CRYL1: variants seen among roughly 807,000 people sequenced by gnomAD.
The protein encoded by CRYL1 is crystallin lambda 1.
Under a neutral mutation model 36.6 loss-of-function variants are expected in CRYL1, and 29 were observed. The observed-to-expected ratio is 0.79, with a 90% confidence interval of 0.59 to 1.08. The LOEUF is 1.08. CRYL1 is among the 50% of genes least tolerant of loss of function. CRYL1 has a pLI of 0.00. For synonymous variants in CRYL1, 152 were observed against 151.5 expected, an observed-to-expected ratio of 1.00 and a Z score of -0.02; for missense variants, 411 against 407.9, an observed-to-expected ratio of 1.01 and a Z score of -0.06.
At chr13:20,422,584 T>C (rs2031843640) in intron 5 of CRYL1, among the ~76,000 whole-genome samples, 1 of 152,180 alleles carries the variant, frequency 6.6e-6, no homozygotes, top group South Asian at 2.1e-4. Context: ...TGAGCTGGAC[T>C]TGGCTCTGCA....
At chr13:20,430,422 G>A (rs1326979182) in intron 5 of CRYL1, 1 of 985,342 alleles carries the variant, frequency 1.0e-6, no homozygotes, top group Non-Finnish European at 1.2e-6. Flanking sequence ...CAGAAAGCCA[G>A]GAGTAAGAAT....
intron 2 of CRYL1, among the ~76,000 whole-genome samples, chr13:20,501,417 T>C (rs1330002136): frequency 6.6e-6 from 1 of 152,214 alleles, no homozygotes; most frequent in African/African-American, 2.4e-5. Context: ...CTGCCTGCTT[T>C]CTATCTACAG....
chr13:20,451,555 C>T (rs2137418137), intron 3 of CRYL1, among the ~76,000 whole-genome samples: 1 of 152,256 alleles, frequency 6.6e-6, no homozygotes, highest in Non-Finnish European at 1.5e-5. Context: ...CACTAATGAT[C>T]AGAGAAATGC....
At chr13:20,440,154 A>T (rs1240162156) in intron 3 of CRYL1, among the ~76,000 whole-genome samples, 1 of 152,226 alleles carries the variant, frequency 6.6e-6, no homozygotes, top group African/African-American at 2.4e-5. Flanking sequence ...TTGTCCTGTC[A>T]TACCTCTGAA....
Position 20,425,643 on chromosome 13 carries a change from C to T in CRYL1, c.633+6459G>A, listed in dbSNP as rs1469977740. Among the ~76,000 whole-genome samples, 1 of 152,152 alleles carries T rather than the reference C, an allele frequency of 6.6e-6. No homozygotes were observed. The highest frequency in any genetic ancestry group is 1.9e-4 in the East Asian group (1 of 5,198). On this transcript the variant is annotated intron_variant, in intron 5 of 7. Transcript: ENST00000298248. The surrounding 1 kb of genome is among the most constrained non-coding windows in gnomAD (Gnocchi z 4.4). ...AAAGGACCATTCACCTCCAAGTGAA[C>T]ATAGCACATGTGAGAGAAATGTAAG... is the stretch of plus-strand genomic sequence containing the variant.
At chr13:20,506,803 G>A (rs2033802007) in intron 2 of CRYL1, among the ~76,000 whole-genome samples, 1 of 152,182 alleles carries the variant, frequency 6.6e-6, no homozygotes, top group Non-Finnish European at 1.5e-5. Flanking sequence ...ACAGCCCACA[G>A]GCCAAATCTG....
intron 3 of CRYL1, among the ~76,000 whole-genome samples, chr13:20,450,773 G>A (rs2032553439): frequency 6.6e-6 from 1 of 152,154 alleles, no homozygotes; most frequent in Admixed American, 6.6e-5. Flanking sequence ...CATGTTCATT[G>A]TGGCACTATT....
rs915454506 is a variant in CRYL1 at position 20,432,189 on chromosome 13, G to C, written c.546C>G (p.Cys182Trp). Residue 182 changes from cysteine (C) to tryptophan (W), a missense_variant, in exon 5 of 8, where the codon TGC becomes TGG. Coordinates refer to ENST00000298248, the MANE Select transcript of CRYL1 (RefSeq NM_015974.3). The part of the protein sequence containing the change: ...THALMKKIGQ[C>W]PMRVQKEVAG... ...CCACCTCCTTCTGGACTCGCATGGG[G>C]CACTGTCCAATCTTCTTCATCAGGG... 6.2e-7 allele frequency: 1 copy of C among 1,613,936 alleles called. No homozygotes were observed. Among genetic ancestry groups the C allele is most frequent in the African/African-American group, 1.3e-5 (1 of 74,876 alleles).
At chr13:20,448,356 C>CAG (rs35573597) in intron 3 of CRYL1, among the ~76,000 whole-genome samples, 6,968 of 152,026 alleles carry the variant, frequency 0.046, 334 homozygotes, top group Admixed American at 0.16. Context: ...GTAAAAGAAA[C>CAG]GGAATAGGAC....
intron 3 of CRYL1, among the ~76,000 whole-genome samples, chr13:20,474,550 T>C (rs2033125934): frequency 6.6e-6 from 1 of 151,152 alleles, no homozygotes; most frequent in South Asian, 2.1e-4. Context: ...ATGTAAGTGA[T>C]TGTAATTAGT....
chr13:20,473,520 T>G (rs574910351), intron 3 of CRYL1, among the ~76,000 whole-genome samples: 74 of 151,854 alleles, frequency 4.9e-4, no homozygotes, highest in Non-Finnish European at 1.0e-3. Flanking sequence ...CTGGCCAGAG[T>G]GGGTGGGCGG....
At chr13:20,511,393 AG>A (rs2033915890) in intron 2 of CRYL1, among the ~76,000 whole-genome samples, 1 of 152,056 alleles carries the variant, frequency 6.6e-6, no homozygotes, top group African/African-American at 2.4e-5. Flanking sequence ...GGCCTGGACA[AG>A]GTTTTTGTTT....
intron 5 of CRYL1, among the ~76,000 whole-genome samples, chr13:20,429,063 G>A (rs7338455): frequency 1.6e-4 from 25 of 152,034 alleles, no homozygotes; most frequent in Admixed American, 2.6e-4. Flanking sequence ...GTTGCCCCCC[G>A]ACCAATGCTC....
chr13:20,441,594 T>C (rs1196065344), intron 3 of CRYL1, among the ~76,000 whole-genome samples: 4 of 152,206 alleles, frequency 2.6e-5, no homozygotes, highest in Non-Finnish European at 5.9e-5. Context: ...TATTAGGTCA[T>C]GAATACAGTA....
At chr13:20,430,617 G>C in intron 5 of CRYL1, 1 of 985,360 alleles carries the variant, frequency 1.0e-6, no homozygotes, top group Non-Finnish European at 1.2e-6. Context: ...GCAATGGAGA[G>C]TTCTTTGTGT....
Position 20,404,224 on chromosome 13 carries a change from G to A in CRYL1, c.865C>T (p.Pro289Ser), listed in dbSNP as rs199675034. Residue 289 changes from proline (P) to serine (S), a missense_variant, in exon 8 of 8, where the codon CCT becomes TCT. Transcript: ENST00000298248. ...KVNQDMCMKV[P>S]DDPEHLAARR... ...GCAGCTAAGTGCTCCGGGTCATCAG[G>A]GACCTTCATGCACATGTCCTGCAAG... 21 of 1,612,172 alleles carry A rather than the reference G, an allele frequency of 1.3e-5. No individual in the cohort carries two copies. Among genetic ancestry groups the A allele is most frequent in the South Asian group, 3.3e-5 (3 of 91,038 alleles).
intron 2 of CRYL1, among the ~76,000 whole-genome samples, chr13:20,491,008 T>A (rs759692698): frequency 2.0e-5 from 3 of 152,138 alleles, no homozygotes; most frequent in Non-Finnish European, 2.9e-5. Context: ...CAGGATCAAG[T>A]GATCTCCCAC....
intron 1 of CRYL1, among the ~76,000 whole-genome samples, chr13:20,523,105 C>T (rs923080788): frequency 1.3e-5 from 2 of 151,772 alleles, no homozygotes; most frequent in African/African-American, 2.4e-5. Context: ...TTAGTAGAGA[C>T]GGGATCTCGC....
intron 3 of CRYL1, among the ~76,000 whole-genome samples, chr13:20,446,714 T>C (rs11618705): frequency 0.25 from 37,869 of 151,144 alleles, 5,330 homozygotes; most frequent in Non-Finnish European, 0.32. Flanking sequence ...CCTCTAGAAT[T>C]TTTTTTGTTT....
Sources: gnomAD v4.1 joint callset for allele counts (sites outside exome capture counted in the v4.1 genomes callset) on GRCh38, gnomAD v4.1.1 for gene constraint, Gnocchi (gnomAD v3.1) non-coding constraint, MANE v1.5 for transcripts, NCBI Gene and HGNC (gene_info 2026-07-23, HGNC 2026-07-21) for gene names.